Variants in FLNB observed in about 807,000 individuals in gnomAD.
FLNB encodes filamin B.
FLNB carries 111 observed loss-of-function variants against 250.6 expected under a neutral mutation model. That is an observed-to-expected ratio of 0.44 (90% CI 0.38 to 0.52). FLNB has a LOEUF of 0.52. Ranked by LOEUF, FLNB falls within the 20% of genes least tolerant of loss-of-function variation. The probability of loss-of-function intolerance (pLI) is 0.00; values close to 1 mark genes in which losing one functional copy is unlikely to be tolerated. For missense variants in FLNB, 2,869 were observed against 3,447.8 expected, an observed-to-expected ratio of 0.83 and a Z score of 4.20; for synonymous variants, 1,302 against 1,372.1, an observed-to-expected ratio of 0.95 and a Z score of 1.13.
intron 1 of FLNB, among the ~76,000 whole-genome samples, chr3:58,035,969 T>A (rs1212198474): frequency 6.6e-6 from 1 of 152,198 alleles, no homozygotes; most frequent in Non-Finnish European, 1.5e-5. Flanking sequence ...TCACCCGGGC[T>A]CTTATTCCAC....
At chr3:58,135,348 T>C (rs2097314130) in intron 27 of FLNB, among the ~76,000 whole-genome samples, 1 of 152,204 alleles carries the variant, frequency 6.6e-6, no homozygotes, top group South Asian at 2.1e-4. Flanking sequence ...ATCTCTCTGC[T>C]CCTCTACCTA....
chr3:58,151,901 C>T (rs1381293130), intron 38 of FLNB, among the ~76,000 whole-genome samples: 2 of 152,214 alleles, frequency 1.3e-5, no homozygotes, highest in Non-Finnish European at 2.9e-5. Flanking sequence ...TACTCCCCCA[C>T]CAGCACTGGG....
chr3:58,139,019 T>C lies in FLNB; in HGVS notation c.5109+490T>C, dbSNP rs571017737. The stretch of plus-strand genomic sequence containing the variant: ...GTGTTTTGGAAAGATTCACACTTTA[T>C]GTATGAGGGGGAAATACCTCGTCTT... On this transcript the variant is annotated intron_variant, in intron 29 of 45. Coordinates refer to ENST00000295956, the MANE Select transcript of FLNB (RefSeq NM_001457.4). 2.1e-3 allele frequency among the ~76,000 whole-genome samples: 314 copies of C among 152,276 alleles called. 2 individuals carry two copies. Among genetic ancestry groups the C allele is most frequent in the African/African-American group, 7.0e-3 (292 of 41,550 alleles).
In FLNB at chr3:58,073,149, C is replaced by CTATT. The variant is rs55987295; in HGVS notation, c.293-3870_293-3867dup. Among the ~76,000 whole-genome samples the CTATT allele has an allele frequency of 4.0e-3, 579 of 145,724 alleles. 1 individual carries two copies. Among genetic ancestry groups the CTATT allele is most frequent in the East Asian group, 6.1e-3 (31 of 5,078 alleles). On this transcript the variant is annotated intron_variant, in intron 1 of 45. Coordinates refer to ENST00000295956, the MANE Select transcript of FLNB (RefSeq NM_001457.4). ...CACCATTACCCTGACAGTATACCCA[C>CTATT]TATTTATTTATTTATTTATTTATTT...
At chr3:58,085,347 C>T (rs1301866586) in intron 4 of FLNB, among the ~76,000 whole-genome samples, 1 of 152,146 alleles carries the variant, frequency 6.6e-6, no homozygotes, top group Admixed American at 6.5e-5. Context: ...GAGATATGTC[C>T]CTGTCATGTG....
At chr3:58,159,877 T>C (rs2097358772) in intron 42 of FLNB, among the ~76,000 whole-genome samples, 191 bp downstream of exon 42, 1 of 152,194 alleles carries the variant, frequency 6.6e-6, no homozygotes, top group Non-Finnish European at 1.5e-5. Context: ...AGACCCTTTA[T>C]GCTAGGAGAG....
chr3:58,152,741 TG>T, intron 38 of FLNB: 1 of 1,339,278 alleles, frequency 7.5e-7, no homozygotes, highest in Non-Finnish European at 9.9e-7. Flanking sequence ...GCCCAGATCC[TG>T]TGGGGCTGGA....
intron 38 of FLNB, chr3:58,152,707 G>T: frequency 7.7e-7 from 1 of 1,303,284 alleles, no homozygotes; most frequent in Non-Finnish European, 1.0e-6. Context: ...TCTGTCCTCA[G>T]GGGTCAGAGT....
chr3:58,069,660 G>A (rs114002304), intron 1 of FLNB, among the ~76,000 whole-genome samples: 2,506 of 152,130 alleles, frequency 0.016, 48 homozygotes, highest in Admixed American at 0.022. Context: ...GCAACACCAA[G>A]AACCACCTAA....
At chr3:58,029,568 G>C (rs532938159) in intron 1 of FLNB, among the ~76,000 whole-genome samples, 1 of 150,560 alleles carries the variant, frequency 6.6e-6, no homozygotes, top group Non-Finnish European at 1.5e-5. Flanking sequence ...GCAATGGCTC[G>C]ATCTCGGCTC....
Position 58,143,539 on chromosome 3 carries a change from T to A in FLNB, c.5351T>A (p.Val1784Asp), listed in dbSNP as rs1474317803. ...PEIVDNKDGTVTVRYAPTEVG... is the reference protein window; with the variant it reads ...PEIVDNKDGTDTVRYAPTEVG... ...ATTGTGGACAACAAGGACGGCACGG[T>A]CACTGTTAGATATGCCCCCACTGAG... Residue 1784 changes from valine (V) to aspartate (D), a missense_variant, in exon 32 of 46, where the codon GTC becomes GAC. This residue lies in a region of FLNB where 1,084 missense variants were observed against 1,315.5 expected (regional missense o/e 0.82). Coordinates refer to ENST00000295956, the MANE Select transcript of FLNB (RefSeq NM_001457.4). 1 of 1,613,978 alleles carries A rather than the reference T, an allele frequency of 6.2e-7. No individual in the cohort carries two copies. The highest frequency in any genetic ancestry group is 8.5e-7 in the Non-Finnish European group (1 of 1,180,014).
At chr3:58,048,381 A>G (rs895601585) in intron 1 of FLNB, among the ~76,000 whole-genome samples, 1 of 152,230 alleles carries the variant, frequency 6.6e-6, no homozygotes, top group Non-Finnish European at 1.5e-5. Flanking sequence ...CTGCATTTCC[A>G]GCCAGCATCC....
intron 4 of FLNB, among the ~76,000 whole-genome samples, chr3:58,091,970 G>C (rs1167186056): frequency 1.3e-5 from 2 of 152,166 alleles, no homozygotes; most frequent in African/African-American, 4.8e-5. Context: ...GAAAAAATTT[G>C]CAAACCATAT....
In FLNB at chr3:58,144,869, C is replaced by A. The variant is rs74615408; in HGVS notation, c.5426-1052C>A. Among the ~76,000 whole-genome samples, 861 of 152,362 alleles carry A rather than the reference C, an allele frequency of 5.7e-3. 5 individuals carry two copies. The highest frequency in any genetic ancestry group is 0.019 in the African/African-American group (805 of 41,586). On this transcript the variant is annotated intron_variant, in intron 32 of 45. Coordinates refer to ENST00000295956, the MANE Select transcript of FLNB (RefSeq NM_001457.4). ...TTCTCTTGTGAATGAGACCACACAA[C>A]TTTCCCTATGTCTATTTGTATTTCT...
intron 1 of FLNB, among the ~76,000 whole-genome samples, chr3:58,031,543 CTTTTTTTTTTTTT>C (rs764190111): frequency 3.9e-5 from 3 of 77,144 alleles, no homozygotes; most frequent in African/African-American, 5.8e-5. Context: ...CGTGCCCTGC[CTTTTTTTTTTTTT>C]TTTTTTTTTT....
chr3:58,027,103 T>G (rs369879163), intron 1 of FLNB, among the ~76,000 whole-genome samples: 219 of 152,122 alleles, frequency 1.4e-3, no homozygotes, highest in African/African-American at 5.1e-3. Flanking sequence ...TAGGACATGC[T>G]GGATTTGGCA....
chr3:58,143,405 C>A, intron 31 of FLNB, 68 bp from the exon 32 acceptor site: 1 of 1,572,430 alleles, frequency 6.4e-7, no homozygotes, highest in Non-Finnish European at 8.7e-7. Flanking sequence ...ACATCTGTGC[C>A]TTGGGCTCTG....
At chr3:58,103,846 T>C in intron 9 of FLNB, 113 bp from the exon 10 acceptor site, 1 of 1,349,736 alleles carries the variant, frequency 7.4e-7, no homozygotes, top group Non-Finnish European at 1.1e-6. Flanking sequence ...CCACTTGGTT[T>C]TTATGTATGG....
At chr3:58,033,383 A>G (rs1346913072) in intron 1 of FLNB, among the ~76,000 whole-genome samples, 1 of 129,884 alleles carries the variant, frequency 7.7e-6, no homozygotes, top group Non-Finnish European at 1.6e-5. Context: ...ATGGAATCAT[A>G]TAGTATGCTG....
Sources: allele counts gnomAD v4.1 joint callset (sites outside exome capture counted in the v4.1 genomes callset), GRCh38; gene constraint gnomAD v4.1.1; regional missense constraint gnomAD v4.1.1; transcripts MANE v1.5; gene names NCBI Gene and HGNC (gene_info 2026-07-23, HGNC 2026-07-21).